Variants in GRIN2A observed in about 807,000 individuals in gnomAD.
The protein encoded by GRIN2A is glutamate receptor ionotropic, NMDA 2A.
In GRIN2A, 22 loss-of-function variants were observed where a neutral mutation model predicts 113.4. The ratio of observed to expected loss-of-function variants is 0.19; its 90% CI spans 0.14 to 0.28. GRIN2A has a LOEUF of 0.28. Among genes scored for constraint, GRIN2A ranks in the 10% least tolerant of loss-of-function variants. GRIN2A has a pLI of 1.00. For missense variants in GRIN2A, 1,502 were observed against 1,887.0 expected, an observed-to-expected ratio of 0.80 and a Z score of 3.78; for synonymous variants, 827 against 738.4, an observed-to-expected ratio of 1.12 and a Z score of -1.94.
intron 2 of GRIN2A, among the ~76,000 whole-genome samples, chr16:10,130,820 G>T (rs1294847091): frequency 6.6e-6 from 1 of 152,206 alleles, no homozygotes; most frequent in African/African-American, 2.4e-5. Flanking sequence ...CCCCAGGAAA[G>T]TAAACAGCTG....
intron 11 of GRIN2A, among the ~76,000 whole-genome samples, chr16:9,785,782 A>C (rs1180258197): frequency 6.6e-6 from 1 of 152,224 alleles, no homozygotes; most frequent in Non-Finnish European, 1.5e-5. Flanking sequence ...AATGCCCCAC[A>C]GGAGGTGAAA....
chr16:9,811,365 G>A (rs2042083459), intron 10 of GRIN2A, among the ~76,000 whole-genome samples: 1 of 152,192 alleles, frequency 6.6e-6, no homozygotes, highest in South Asian at 2.1e-4. Flanking sequence ...GAACTTCAGT[G>A]TCCTCCTCTA....
chr16:9,857,424 T>C (rs937841239), intron 4 of GRIN2A, among the ~76,000 whole-genome samples: 1 of 152,224 alleles, frequency 6.6e-6, no homozygotes, highest in Non-Finnish European at 1.5e-5. Context: ...AAGTTTTTTG[T>C]AAATATAAAA....
At chr16:9,975,862 G>A (rs1186965037) in intron 2 of GRIN2A, among the ~76,000 whole-genome samples, 1 of 152,154 alleles carries the variant, frequency 6.6e-6, no homozygotes, top group African/African-American at 2.4e-5. Flanking sequence ...TAGAAGAATG[G>A]ACCATCTTTA....
At chr16:10,162,330 A>G (rs1047002325) in intron 2 of GRIN2A, among the ~76,000 whole-genome samples, 1 of 152,142 alleles carries the variant, frequency 6.6e-6, no homozygotes, top group African/African-American at 2.4e-5. Context: ...ACAGAAGAGG[A>G]GTGAGGAGAA....
chr16:9,894,081 G>C (rs1415550568), intron 3 of GRIN2A, among the ~76,000 whole-genome samples: 1 of 152,174 alleles, frequency 6.6e-6, no homozygotes, highest in Non-Finnish European at 1.5e-5. Flanking sequence ...GCTTCCCAGG[G>C]AATCTTAATG....
chr16:9,884,750 C>CT (rs34469635), intron 4 of GRIN2A, among the ~76,000 whole-genome samples: 3,772 of 125,284 alleles, frequency 0.03, 114 homozygotes, highest in East Asian at 0.13. Flanking sequence ...TAGAGAATTT[C>CT]TTTTTTTTTT....
At chr16:10,117,355 G>A (rs529180713) in intron 2 of GRIN2A, among the ~76,000 whole-genome samples, 2 of 152,272 alleles carry the variant, frequency 1.3e-5, no homozygotes, top group East Asian at 3.9e-4. Context: ...AGGATGTTGG[G>A]AATTTGCTCC....
At chr16:10,064,663 T>C (rs2047613632) in intron 2 of GRIN2A, among the ~76,000 whole-genome samples, 1 of 152,244 alleles carries the variant, frequency 6.6e-6, no homozygotes, top group Admixed American at 6.5e-5. Context: ...TATCAAGAGA[T>C]GTCATAGTTC....
At chr16:9,993,852 G>A (rs1388734144) in intron 2 of GRIN2A, among the ~76,000 whole-genome samples, 1 of 152,214 alleles carries the variant, frequency 6.6e-6, no homozygotes, top group East Asian at 1.9e-4. Flanking sequence ...AGTCAGGACA[G>A]GCGGCTCATG....
intron 8 of GRIN2A, among the ~76,000 whole-genome samples, chr16:9,833,424 G>C (rs916134257): frequency 6.6e-6 from 1 of 152,096 alleles, no homozygotes; most frequent in African/African-American, 2.4e-5. Flanking sequence ...TCTTAAACTA[G>C]ATTTTATAAA....
chr16:9,759,119 C>T lies in GRIN2A; in HGVS notation c.*4030G>A, dbSNP rs535674272. 9.2e-6 allele frequency: 2 copies of T among 217,214 alleles called. No homozygotes were observed. Among genetic ancestry groups the T allele is most frequent in the Non-Finnish European group, 1.8e-5 (2 of 108,108 alleles). 13.5% of individuals were successfully genotyped at this position (217,214 alleles called of 1,614,324 possible). A position where few individuals can be genotyped will look rare whatever the true frequency, so the allele number is the denominator to read the frequency against. On this transcript the variant is annotated 3_prime_UTR_variant, in exon 13 of 13. Transcript: ENST00000330684. ...AGTACAGGAATGTGCATAATGTTAACGAATATATCCAGCTCCTCTGTAAGG... is the reference window on the plus strand; with the variant it reads ...AGTACAGGAATGTGCATAATGTTAATGAATATATCCAGCTCCTCTGTAAGG...
intron 2 of GRIN2A, among the ~76,000 whole-genome samples, chr16:10,074,579 A>G (rs1422870948): frequency 1.3e-5 from 2 of 152,262 alleles, no homozygotes; most frequent in Non-Finnish European, 2.9e-5. Flanking sequence ...GATACCTTCT[A>G]CAACATGGAT....
intron 3 of GRIN2A, among the ~76,000 whole-genome samples, chr16:9,917,243 G>C (rs944098402): frequency 6.6e-6 from 1 of 152,136 alleles, no homozygotes; most frequent in Non-Finnish European, 1.5e-5. Context: ...CTTCACAGGA[G>C]CCATAATATA....
chr16:9,916,786 C>A (rs763071703), intron 3 of GRIN2A, among the ~76,000 whole-genome samples: 6 of 152,190 alleles, frequency 3.9e-5, no homozygotes, highest in Non-Finnish European at 7.3e-5. Context: ...TCTCCTCCAG[C>A]TTTTACAAGG....
chr16:9,837,774 A>C (rs1567335153), intron 7 of GRIN2A, among the ~76,000 whole-genome samples: 1 of 152,176 alleles, frequency 6.6e-6, no homozygotes, highest in Non-Finnish European at 1.5e-5. Context: ...TTCCTGGCAT[A>C]GTGAGGCTCT....
At chr16:9,921,354 C>T (rs930675760) in intron 3 of GRIN2A, among the ~76,000 whole-genome samples, 2 of 152,164 alleles carry the variant, frequency 1.3e-5, no homozygotes, top group Admixed American at 6.5e-5. Context: ...CATTGGAAGA[C>T]GTCCTCGGAC....
At chr16:9,995,779 T>C (rs143206688) in intron 2 of GRIN2A, among the ~76,000 whole-genome samples, 12 of 152,176 alleles carry the variant, frequency 7.9e-5, no homozygotes, top group Non-Finnish European at 1.6e-4. Flanking sequence ...GCTTTTTCAA[T>C]GCAAGGGATA....
At position 9,764,555 on chromosome 16, in the gene GRIN2A, C is replaced by G. The variant is rs1555482789; in HGVS notation, c.2989G>C (p.Glu997Gln). 6.2e-7 allele frequency: 1 copy of G among 1,613,966 alleles called. No individual in the cohort carries two copies. The highest frequency in any genetic ancestry group is 1.1e-5 in the South Asian group (1 of 91,084). Residue 997 changes from glutamate to glutamine, a missense_variant, in exon 13 of 13, where the codon GAG becomes CAG. This residue lies in a region of GRIN2A where 832 missense variants were observed against 789.7 expected (regional missense o/e 1.05). Coordinates refer to ENST00000330684, the MANE Select transcript of GRIN2A (RefSeq NM_001134407.3). ...TTGGATTCTGTGCTCACGGCCACCT[C>G]CACCGTGTTAGGGTTGGACTCATTG... The part of the protein sequence containing the change: ...TLNESNPNTV[E>Q]VAVSTESKAN...
Sources: gnomAD v4.1 joint callset for allele counts (sites outside exome capture counted in the v4.1 genomes callset) on GRCh38, gnomAD v4.1.1 for gene constraint, gnomAD v4.1.1 regional missense constraint, MANE v1.5 for transcripts, NCBI Gene and HGNC (gene_info 2026-07-23, HGNC 2026-07-21) for gene names.